TLE7: variants seen among roughly 807,000 people sequenced by gnomAD.
TLE7 encodes the protein transducin-like enhancer protein 7.
At chr16:71,435,007 C>A (rs566037726) in intron 1 of TLE7, among the ~76,000 whole-genome samples, 1 of 152,374 alleles carries the variant, frequency 6.6e-6, no homozygotes, top group East Asian at 1.9e-4. Flanking sequence ...CCACTGCATT[C>A]CAGCCTGGGA....
chr16:71,435,188 A>T (rs1208960604), intron 1 of TLE7, among the ~76,000 whole-genome samples: 1 of 152,218 alleles, frequency 6.6e-6, no homozygotes, highest in Non-Finnish European at 1.5e-5. Context: ...CGAGGCAGGC[A>T]GATCATGAGG....
intron 1 of TLE7, among the ~76,000 whole-genome samples, chr16:71,437,620 G>A (rs150349449): frequency 4.6e-5 from 7 of 151,814 alleles, no homozygotes; most frequent in Admixed American, 2.6e-4. Context: ...GGAACCCTTC[G>A]GTCTGAGGAT....
At chr16:71,437,659 T>G (rs921565364) in intron 1 of TLE7, among the ~76,000 whole-genome samples, 3 of 152,142 alleles carry the variant, frequency 2.0e-5, no homozygotes, top group Non-Finnish European at 4.4e-5. Context: ...GAAGGGGTGA[T>G]GAAGCTGGAC....
At chr16:71,441,299 G>A (rs1014076116) in intron 1 of TLE7, among the ~76,000 whole-genome samples, 3 of 152,256 alleles carry the variant, frequency 2.0e-5, no homozygotes, top group African/African-American at 7.2e-5. Flanking sequence ...TGCCCAGGCT[G>A]GTCTTGAACT....
intron 4 of TLE7, among the ~76,000 whole-genome samples, 167 bp from the exon 5 acceptor site, chr16:71,432,492 G>C (rs996443231): frequency 1.3e-5 from 2 of 152,190 alleles, no homozygotes; most frequent in Admixed American, 1.3e-4. Flanking sequence ...ATGACACTGT[G>C]AGCTGAAGAC....
chr16:71,431,286 A>G lies in TLE7; in HGVS notation c.994-12T>C, dbSNP rs1567555442. 3 of 399,410 alleles carry G rather than the reference A, an allele frequency of 7.5e-6. No homozygotes were observed. In the East Asian group the frequency reaches 1.1e-4, roughly 14 times the overall value. The allele number at this position is 399,410 out of a possible 1,614,324, so 24.7% of individuals were successfully genotyped here. On this transcript the variant is annotated splice_polypyrimidine_tract_variant and intron_variant, in intron 7 of 9. Transcript: ENST00000561754. This position sits in a 1 kb window ranked among gnomAD's most constrained non-coding sequence, Gnocchi z 4.5. ...GTAATGCTGAGGATCTGTTCGTGGA[A>G]GCAGGTTTGAGGTCAGCACTCAAAG...
At chr16:71,436,239 TC>T (rs2042825774) in intron 1 of TLE7, among the ~76,000 whole-genome samples, 1 of 151,956 alleles carries the variant, frequency 6.6e-6, no homozygotes, top group Non-Finnish European at 1.5e-5. Flanking sequence ...AATCCCCACA[TC>T]CTCTCCCAGC....
At chr16:71,441,077 T>C (rs1330486494) in intron 1 of TLE7, among the ~76,000 whole-genome samples, 1 of 152,230 alleles carries the variant, frequency 6.6e-6, no homozygotes, top group Non-Finnish European at 1.5e-5. Context: ...TTCCGATTTC[T>C]GTCCTGGGTC....
chr16:71,430,761 G>A lies in TLE7; in HGVS notation c.1148-20C>T. ...AGCTCCCTGGTGAAGGAACGAACAG[G>A]TGAGAGGCCAGAGACCAATCCTGCA... On this transcript the variant is annotated intron_variant, in intron 8 of 9. Coordinates refer to ENST00000561754, the MANE Select transcript of TLE7 (RefSeq NM_001367365.2). 7.5e-6 allele frequency: 3 copies of A among 398,508 alleles called. No individual in the cohort carries two copies. The highest frequency in any genetic ancestry group is 8.8e-6 in the Non-Finnish European group (2 of 226,028). 24.7% of individuals were successfully genotyped at this position (398,508 alleles called of 1,614,324 possible).
chr16:71,437,902 G>A (rs764191105), intron 1 of TLE7, among the ~76,000 whole-genome samples: 25 of 152,068 alleles, frequency 1.6e-4, no homozygotes, highest in Admixed American at 2.6e-4. Context: ...CACACCCCTT[G>A]TCCCCAGAAC....
Position 71,431,641 on chromosome 16 carries a change from G to A in TLE7, c.852-79C>T, listed in dbSNP as rs1289280856. 2.5e-6 allele frequency: 1 copy of A among 400,144 alleles called. No individual in the cohort carries two copies. The highest frequency in any genetic ancestry group is 3.6e-5 in the East Asian group (1 of 28,064). The allele number at this position is 400,144 out of a possible 1,614,324, so 24.8% of individuals were successfully genotyped here. A position where few individuals can be genotyped will look rare whatever the true frequency, so the allele number is the denominator to read the frequency against. Reference sequence around the variant, plus strand: ...AAGTTTCAGGGTCAGGAAGCCCCTAGGAGTACCCCAGATATATCTTCTACA... The same window carrying A: ...AAGTTTCAGGGTCAGGAAGCCCCTAAGAGTACCCCAGATATATCTTCTACA... On this transcript the variant is annotated intron_variant, in intron 6 of 9. Coordinates refer to ENST00000561754, the MANE Select transcript of TLE7 (RefSeq NM_001367365.2). This position sits in a 1 kb window ranked among gnomAD's most constrained non-coding sequence, Gnocchi z 4.5.
intron 4 of TLE7, 37 bp from the exon 5 acceptor site, chr16:71,432,362 C>A (rs2042808725): frequency 5.0e-6 from 2 of 399,498 alleles, no homozygotes; most frequent in South Asian, 2.6e-4. Flanking sequence ...TGGCCCTGAC[C>A]TGCTATCATT....
chr16:71,437,748 T>C (rs2042832032), intron 1 of TLE7, among the ~76,000 whole-genome samples: 1 of 152,150 alleles, frequency 6.6e-6, no homozygotes. Flanking sequence ...CTGTCTCCTC[T>C]CCTCTGGCTT....
Position 71,430,173 on chromosome 16 carries a change from T to C in TLE7, c.*89A>G. 2.5e-6 allele frequency: 1 copy of C among 397,688 alleles called. No homozygotes were observed. The highest frequency in any genetic ancestry group is 4.4e-6 in the Non-Finnish European group (1 of 225,752). 24.6% of individuals were successfully genotyped at this position (397,688 alleles called of 1,614,324 possible). A position where few individuals can be genotyped will look rare whatever the true frequency, so the allele number is the denominator to read the frequency against. On this transcript the variant is annotated 3_prime_UTR_variant, in exon 10 of 10. Transcript: ENST00000561754. Reference sequence around the variant, plus strand: ...GCTAAGGCAGAGGAGATGGCAGGTGTTAGAGGTGTCCAGCACTCTGAAGCC... The same window carrying C: ...GCTAAGGCAGAGGAGATGGCAGGTGCTAGAGGTGTCCAGCACTCTGAAGCC...
Position 71,433,328 on chromosome 16 carries a change from C to G in TLE7, c.-4G>C, listed in dbSNP as rs1479479599. 5.0e-6 allele frequency: 2 copies of G among 398,510 alleles called. No homozygotes were observed. The highest frequency in any genetic ancestry group is 8.8e-6 in the Non-Finnish European group (2 of 226,110). The allele number at this position is 398,510 out of a possible 1,614,324, so 24.7% of individuals were successfully genotyped here. ...CCTCTTCCTTCTCTCCACTCATGTT[C>G]TTAGATCAGTGAGGTGTCTGGACCA... is the stretch of plus-strand genomic sequence containing the variant. On this transcript the variant is annotated 5_prime_UTR_variant, in exon 2 of 10. Coordinates refer to ENST00000561754, the MANE Select transcript of TLE7 (RefSeq NM_001367365.2).
chr16:71,435,237 G>A (rs1223136810), intron 1 of TLE7, among the ~76,000 whole-genome samples: 2 of 152,084 alleles, frequency 1.3e-5, no homozygotes, highest in East Asian at 1.9e-4. Flanking sequence ...AAGGTGAAAC[G>A]CTGTCTCTAC....
At chr16:71,434,449 T>C (rs921180527) in intron 1 of TLE7, among the ~76,000 whole-genome samples, 15 of 151,942 alleles carry the variant, frequency 9.9e-5, no homozygotes, top group Non-Finnish European at 1.3e-4. Context: ...GACAAGACAA[T>C]GCGCGGGGAA....
chr16:71,438,448 GAGAA>G lies in TLE7; in HGVS notation c.-97+3517_-97+3520del, dbSNP rs776183265. Reference sequence around the variant, plus strand: ...TCAAAAAAAAAAAAAAAAAGAGAGAGAGAAAGAAAGAAAAGAGAAAAAAGAAAAG... The same window carrying G: ...TCAAAAAAAAAAAAAAAAAGAGAGAGAGAAAGAAAAGAGAAAAAAGAAAAG... On this transcript the variant is annotated intron_variant, in intron 1 of 9. Transcript: ENST00000561754. Among the ~76,000 whole-genome samples the G allele has an allele frequency of 1.1e-4, 15 of 140,138 alleles. 1 individual carries two copies. The East Asian group carries it at 1.6e-3, about 15-fold the overall frequency. 91.9% of individuals were successfully genotyped at this position (140,138 alleles called of 152,430 possible). A position where few individuals can be genotyped will look rare whatever the true frequency, so the allele number is the denominator to read the frequency against.
intron 1 of TLE7, among the ~76,000 whole-genome samples, chr16:71,434,763 C>A (rs1027507459): frequency 2.6e-5 from 4 of 152,156 alleles, no homozygotes; most frequent in Admixed American, 2.6e-4. Context: ...CGAACCCTGT[C>A]CTGCATAGCT....
Sources: allele counts gnomAD v4.1 joint callset (sites outside exome capture counted in the v4.1 genomes callset), GRCh38; gene constraint gnomAD v4.1.1; non-coding constraint Gnocchi (gnomAD v3.1); transcripts MANE v1.5; gene names NCBI Gene and HGNC (gene_info 2026-07-23, HGNC 2026-07-21).